Variants in POT1 observed in about 807,000 individuals in gnomAD.
The protein encoded by POT1 is protection of telomeres 1.
Under a neutral mutation model 78.5 loss-of-function variants are expected in POT1, and 47 were observed. The ratio of observed to expected loss-of-function variants is 0.60; its 90% confidence interval spans 0.47 to 0.76. POT1 has a LOEUF of 0.76. Among genes scored for constraint, POT1 ranks in the 30% least tolerant of loss-of-function variants. The pLI, the probability that POT1 is intolerant of heterozygous loss-of-function variation, is 0.00. For missense variants in POT1, 646 were observed against 749.9 expected (o/e 0.86, Z 1.62); for synonymous variants, 259 against 260.7 (o/e 0.99, Z 0.06).
At chr7:124,907,806 C>T (rs1396843519) in intron 3 of POT1, among the ~76,000 whole-genome samples, 1 of 151,926 alleles carries the variant, frequency 6.6e-6, no homozygotes, top group East Asian at 1.9e-4. Context: ...TTGCTGTGAA[C>T]CTAAAACTTC....
intron 6 of POT1, among the ~76,000 whole-genome samples, chr7:124,874,658 C>A (rs1795946533): frequency 6.6e-6 from 1 of 151,230 alleles, no homozygotes; most frequent in African/African-American, 2.4e-5. Context: ...TCGCTTGAGC[C>A]TGGGAAGTGG....
intron 12 of POT1, among the ~76,000 whole-genome samples, chr7:124,845,899 C>A (rs1010600315): frequency 6.6e-6 from 1 of 152,044 alleles, no homozygotes; most frequent in Non-Finnish European, 1.5e-5. Flanking sequence ...CATGTTCTAT[C>A]CTAAGCCATT....
intron 6 of POT1, among the ~76,000 whole-genome samples, chr7:124,888,207 T>C (rs1447538847): frequency 6.6e-6 from 1 of 152,084 alleles, no homozygotes; most frequent in African/African-American, 2.4e-5. Flanking sequence ...CCAGCCCCAT[T>C]TGGTGAAGAG....
At chr7:124,926,810 G>A (rs1797285872) in intron 2 of POT1, among the ~76,000 whole-genome samples, 1 of 152,156 alleles carries the variant, frequency 6.6e-6, no homozygotes, top group Non-Finnish European at 1.5e-5. Context: ...TATCTTAAAT[G>A]AAACAACTGA....
intron 6 of POT1, among the ~76,000 whole-genome samples, chr7:124,886,095 G>A (rs1796237935): frequency 6.6e-6 from 1 of 152,082 alleles, no homozygotes; most frequent in African/African-American, 2.4e-5. Context: ...CTTTATTCAG[G>A]ATAAGAGCAA....
chr7:124,879,393 C>T (rs994774005), intron 6 of POT1, among the ~76,000 whole-genome samples: 2 of 152,028 alleles, frequency 1.3e-5, no homozygotes, highest in Admixed American at 1.3e-4. Flanking sequence ...CACCTGCTAG[C>T]ATAGGGAATC....
chr7:124,912,103 A>C lies in POT1; in HGVS notation c.-154+3471T>G, dbSNP rs374383083. The stretch of plus-strand genomic sequence containing the variant: ...CTCTCTTCTTCCTCACTGAGGCTGT[A>C]TCTAATTACAATAATAGTAATGACA... On this transcript the variant is annotated intron_variant, in intron 3 of 18. Coordinates refer to ENST00000357628, the MANE Select transcript of POT1 (RefSeq NM_015450.3). 4.6e-5 allele frequency among the ~76,000 whole-genome samples: 7 copies of C among 152,262 alleles called. No homozygotes were observed. In the South Asian group the frequency reaches 6.2e-4, roughly 14 times the overall value.
Position 124,921,868 on chromosome 7 carries a change from GA to G in POT1, c.-226-6223del, listed in dbSNP as rs914548581. Among the ~76,000 whole-genome samples the G allele has an allele frequency of 8.4e-4, 127 of 150,436 alleles. 1 individual carries two copies. Among genetic ancestry groups the G allele is most frequent in the African/African-American group, 2.8e-3 (115 of 41,110 alleles). On this transcript the variant is annotated intron_variant, in intron 2 of 18. Transcript: ENST00000357628. The stretch of plus-strand genomic sequence containing the variant: ...AGAGAAAAGGGTAATAATGTGGCAG[GA>G]AAAAAAAATATTTCAAGAAATATTA...
chr7:124,875,236 T>G (rs1795961337), intron 6 of POT1, among the ~76,000 whole-genome samples: 1 of 152,168 alleles, frequency 6.6e-6, no homozygotes, highest in Non-Finnish European at 1.5e-5. Context: ...TGACATACAT[T>G]ATGGGATCTT....
rs1794873742 is a variant in POT1, at chr7:124,835,369, C to T, written c.1415G>A (p.Ser472Asn). The T allele has an allele frequency of 3.1e-6, 5 of 1,613,880 alleles. No homozygotes were observed. The highest frequency in any genetic ancestry group is 1.7e-6 in the Non-Finnish European group (2 of 1,179,908). The change falls in exon 15 of 19, where the codon AGT (serine) becomes AAT (asparagine). Residue 472 changes from serine to asparagine, a missense_variant. Coordinates refer to ENST00000357628, the MANE Select transcript of POT1 (RefSeq NM_015450.3). ...GTGGCCAGATCTCACAGGAATTACA[C>T]TATTAAACTTGTTCGAGAGTTTGCA... ...EICKLSNKFN[S>N]VIPVRSGHED...
chr7:124,902,400 C>T (rs1004825646), intron 3 of POT1, among the ~76,000 whole-genome samples: 1 of 152,106 alleles, frequency 6.6e-6, no homozygotes, highest in African/African-American at 2.4e-5. Context: ...AATTTTCAAC[C>T]CAGAATTTCA....
intron 5 of POT1, among the ~76,000 whole-genome samples, chr7:124,894,406 AG>A (rs1796443379): frequency 1.3e-5 from 2 of 151,602 alleles, no homozygotes; most frequent in Admixed American, 1.3e-4. Context: ...GGGAAAGGCC[AG>A]CAAAACTCAA....
chr7:124,911,636 T>TA (rs1257301943), intron 3 of POT1, among the ~76,000 whole-genome samples: 7 of 152,130 alleles, frequency 4.6e-5, no homozygotes, highest in Non-Finnish European at 1.5e-5. Context: ...GATGGAAAAC[T>TA]AACACGACAC....
chr7:124,885,147 G>C (rs554686781), intron 6 of POT1, among the ~76,000 whole-genome samples: 1 of 152,124 alleles, frequency 6.6e-6, no homozygotes, highest in South Asian at 2.1e-4. Flanking sequence ...ACGTATCATT[G>C]ATGAGTCATT....
chr7:124,862,955 G>T (rs180824517), intron 8 of POT1, among the ~76,000 whole-genome samples: 4 of 152,240 alleles, frequency 2.6e-5, no homozygotes, highest in Admixed American at 1.3e-4. Flanking sequence ...CATAAGAAGA[G>T]AACCCAACAT....
In POT1 at chr7:124,825,285, T is replaced by G; in HGVS notation, c.1759A>C (p.Met587Leu). 2 of 1,610,026 alleles carry G rather than the reference T, an allele frequency of 1.2e-6. No individual in the cohort carries two copies. Among genetic ancestry groups the G allele is most frequent in the Non-Finnish European group, 1.7e-6 (2 of 1,178,108 alleles). Residue 587 changes from methionine to leucine, a missense_variant, in exon 18 of 19, where the codon ATG (methionine) becomes CTG (leucine). By Grantham distance (15) the Met-to-Leu change is conservative. This residue lies in a region of POT1 where 394 missense variants were observed against 408.4 expected (regional missense o/e 0.96). Coordinates refer to ENST00000357628, the MANE Select transcript of POT1 (RefSeq NM_015450.3). ...DDLQKSVDMI[M>L]DMFCPPGIKI... ...ATTCCTGGAGGACAAAACATATCCATGATCATATCCACACTTTTCTGAAGG... is the reference window on the plus strand; with the variant it reads ...ATTCCTGGAGGACAAAACATATCCAGGATCATATCCACACTTTTCTGAAGG...
intron 15 of POT1, 41 bp downstream of exon 15, chr7:124,835,238 A>G: frequency 6.3e-7 from 1 of 1,580,680 alleles, no homozygotes; most frequent in East Asian, 2.3e-5. Flanking sequence ...ACTTAAAAGT[A>G]TAATAAACAA....
At chr7:124,894,825 A>T (rs1449556524) in intron 5 of POT1, among the ~76,000 whole-genome samples, 3 of 151,564 alleles carry the variant, frequency 2.0e-5, no homozygotes, top group African/African-American at 7.2e-5. Flanking sequence ...TTAGTAGGAG[A>T]ATGGTAAGCA....
At chr7:124,891,797 T>C (rs943688078) in intron 6 of POT1, among the ~76,000 whole-genome samples, 23 of 135,344 alleles carry the variant, frequency 1.7e-4, no homozygotes, top group Non-Finnish European at 3.6e-4. Context: ...TCTACACTTT[T>C]ACTTCTACCC....
Sources: gnomAD v4.1 joint callset for allele counts (sites outside exome capture counted in the v4.1 genomes callset) on GRCh38, gnomAD v4.1.1 for gene constraint, gnomAD v4.1.1 regional missense constraint, MANE v1.5 for transcripts, NCBI Gene and HGNC (gene_info 2026-07-23, HGNC 2026-07-21) for gene names.